The following NAALADL2 variants were observed in gnomAD, a reference collection of about 807,000 sequenced individuals.
NAALADL2 encodes the protein N-acetylated alpha-linked acidic dipeptidase like 2, also known as inactive N-acetylated-alpha-linked acidic dipeptidase-like protein 2.
NAALADL2 carries 76 observed loss-of-function variants against 87.2 expected under a neutral mutation model. That is an observed-to-expected ratio of 0.87 (90% CI 0.72 to 1.05). The LOEUF is 1.05. NAALADL2 is among the 50% of genes least tolerant of loss of function. The pLI is 0.00. For synonymous variants in NAALADL2, 354 were observed against 331.0 expected (o/e 1.07, Z -0.75); for missense variants, 1,089 against 945.8 (o/e 1.15, Z -1.99).
intron 11 of NAALADL2, among the ~76,000 whole-genome samples, chr3:175,706,130 T>G (rs142818223): frequency 3.3e-5 from 5 of 152,078 alleles, no homozygotes; most frequent in African/African-American, 4.8e-5. Flanking sequence ...TGGGAAGAGA[T>G]ACACTACACA....
At chr3:174,522,047 C>G (rs1720335103) in intron 1 of NAALADL2, among the ~76,000 whole-genome samples, 1 of 151,880 alleles carries the variant, frequency 6.6e-6, no homozygotes, top group Admixed American at 6.6e-5. Context: ...TGCAGTGAGC[C>G]CTGATTGCAC....
chr3:175,583,930 A>C (rs1720164607), intron 10 of NAALADL2, among the ~76,000 whole-genome samples: 1 of 152,176 alleles, frequency 6.6e-6, no homozygotes, highest in South Asian at 2.1e-4. Flanking sequence ...CACTTATATA[A>C]TGTTTGCGTC....
In NAALADL2 at chr3:175,413,205, T is replaced by C. The variant is rs577642820; in HGVS notation, c.1091-34024T>C. On this transcript the variant is annotated intron_variant, in intron 5 of 13. Coordinates refer to ENST00000454872, the MANE Select transcript of NAALADL2 (RefSeq NM_207015.3). ...TGAGGTCAGGAGATGGAGAATATCC[T>C]GGCTAACACAGTGAAACCCAGGAGA... 2.2e-4 allele frequency among the ~76,000 whole-genome samples: 32 copies of C among 144,072 alleles called. 1 individual carries two copies. The highest frequency in any genetic ancestry group is 8.0e-4 in the African/African-American group (30 of 37,404). The allele number at this position is 144,072 out of a possible 152,430, so 94.5% of individuals were successfully genotyped here. A position where few individuals can be genotyped will look rare whatever the true frequency, so the allele number is the denominator to read the frequency against.
chr3:174,609,407 AG>A (rs1464682461), intron 2 of NAALADL2, among the ~76,000 whole-genome samples: 2 of 152,050 alleles, frequency 1.3e-5, no homozygotes, highest in Non-Finnish European at 1.5e-5. Flanking sequence ...TTGTATATCT[AG>A]AAAACCCCAT....
intron 11 of NAALADL2, among the ~76,000 whole-genome samples, chr3:175,700,092 A>G (rs1239361845): frequency 6.6e-6 from 1 of 152,138 alleles, no homozygotes; most frequent in Admixed American, 6.6e-5. Flanking sequence ...TCAACTGTGT[A>G]CTACAGTGCT....
intron 10 of NAALADL2, among the ~76,000 whole-genome samples, chr3:175,580,560 A>G (rs1298267826): frequency 6.6e-6 from 1 of 152,052 alleles, no homozygotes; most frequent in African/African-American, 2.4e-5. Flanking sequence ...GTTACATTTA[A>G]CTGTGTATAC....
chr3:175,505,220 C>T (rs1730133745), intron 9 of NAALADL2, among the ~76,000 whole-genome samples: 1 of 151,458 alleles, frequency 6.6e-6, no homozygotes, highest in South Asian at 2.1e-4. Context: ...AGCTATGATC[C>T]TGCCACTGCA....
intron 2 of NAALADL2, among the ~76,000 whole-genome samples, chr3:175,112,173 T>C (rs1250507687): frequency 4.6e-5 from 7 of 151,614 alleles, no homozygotes; most frequent in Non-Finnish European, 1.0e-4. Context: ...TGGTGATTCC[T>C]CATTGACCAC....
Position 174,771,902 on chromosome 3 carries a change from A to G in NAALADL2, c.-9+34156A>G, listed in dbSNP as rs182555809. On this transcript the variant is annotated intron_variant, in intron 3 of 3. Transcript: ENST00000434257. ...GTGATGGAGAAATAAGGAAAAGGTTATTCACTTTATGCACATACTCAACTG... is the reference window on the plus strand; with the variant it reads ...GTGATGGAGAAATAAGGAAAAGGTTGTTCACTTTATGCACATACTCAACTG... Among the ~76,000 whole-genome samples the G allele has an allele frequency of 2.3e-3, 344 of 152,306 alleles. 2 individuals are homozygous for G. Among genetic ancestry groups the G allele is most frequent in the South Asian group, 5.8e-3 (28 of 4,830 alleles).
At chr3:175,376,611 A>G (rs1254516886) in intron 5 of NAALADL2, among the ~76,000 whole-genome samples, 3 of 152,126 alleles carry the variant, frequency 2.0e-5, no homozygotes, top group Non-Finnish European at 4.4e-5. Flanking sequence ...GTGTTTATCT[A>G]ACTTCATGTT....
chr3:174,730,677 C>A (rs1732621890), intron 2 of NAALADL2, among the ~76,000 whole-genome samples: 1 of 151,876 alleles, frequency 6.6e-6, no homozygotes, highest in African/African-American at 2.4e-5. Context: ...TATTGATTGA[C>A]ATATTTTTTT....
chr3:174,988,205 A>G (rs1258180917), intron 1 of NAALADL2, among the ~76,000 whole-genome samples: 1 of 152,184 alleles, frequency 6.6e-6, no homozygotes, highest in Non-Finnish European at 1.5e-5. Flanking sequence ...ACTCTGTGGT[A>G]TAGGTTACTG....
intron 2 of NAALADL2, among the ~76,000 whole-genome samples, chr3:175,177,193 C>T (rs1227156636): frequency 1.3e-5 from 2 of 152,080 alleles, no homozygotes; most frequent in Non-Finnish European, 2.9e-5. Flanking sequence ...TTCCCTAATA[C>T]CTTACTACTT....
chr3:175,290,297 T>G (rs1431008135), intron 4 of NAALADL2, among the ~76,000 whole-genome samples: 1 of 152,182 alleles, frequency 6.6e-6, no homozygotes, highest in Non-Finnish European at 1.5e-5. Context: ...ATAAACAATT[T>G]GTAGATATTC....
At chr3:174,885,391 T>G (rs1024730998) in intron 1 of NAALADL2, among the ~76,000 whole-genome samples, 4 of 152,184 alleles carry the variant, frequency 2.6e-5, no homozygotes, top group Admixed American at 2.6e-4. Flanking sequence ...TCATTTTCTT[T>G]CATCACTTTG....
intron 2 of NAALADL2, among the ~76,000 whole-genome samples, chr3:175,174,188 CCATATAA>C (rs760458987): frequency 3.9e-5 from 6 of 152,114 alleles, no homozygotes; most frequent in Admixed American, 2.0e-4. Flanking sequence ...ATTGAACAAT[CCATATAA>C]CAAATATTTT....
chr3:175,718,220 T>TTTG, intron 11 of NAALADL2: 2 of 1,021,166 alleles, frequency 2.0e-6, no homozygotes, highest in East Asian at 2.5e-5. Context: ...TTTTTTTTTT[T>TTTG]TTTGATTAGT....
chr3:175,075,300 T>G (rs1475237530), intron 1 of NAALADL2, among the ~76,000 whole-genome samples: 2 of 152,144 alleles, frequency 1.3e-5, no homozygotes, highest in Non-Finnish European at 2.9e-5. Context: ...ATACTTATTG[T>G]AAGATCTCTT....
chr3:175,080,370 T>A (rs1452010158), intron 1 of NAALADL2, among the ~76,000 whole-genome samples: 2 of 152,234 alleles, frequency 1.3e-5, no homozygotes, highest in Non-Finnish European at 2.9e-5. Context: ...AACTGCAAAT[T>A]ATGCAATGAA....
Sources: allele counts gnomAD v4.1 joint callset (sites outside exome capture counted in the v4.1 genomes callset), GRCh38; gene constraint gnomAD v4.1.1; transcripts MANE v1.5; gene names NCBI Gene and HGNC (gene_info 2026-07-23, HGNC 2026-07-21).